MCC: variants seen among roughly 807,000 people sequenced by gnomAD.
MCC encodes colorectal mutant cancer protein.
A neutral mutation model predicts 116.2 loss-of-function variants in MCC; 90 were observed. The ratio of observed to expected loss-of-function variants is 0.77; its 90% confidence interval spans 0.65 to 0.92. The LOEUF is 0.92. Among genes scored for constraint, MCC ranks in the 40% least tolerant of loss-of-function variants. The pLI is 0.00. For missense variants in MCC, 1,516 were observed against 1,312.2 expected (o/e 1.16, Z -2.40); for synonymous variants, 578 against 510.5 (o/e 1.13, Z -1.78).
chr5:113,484,600 T>C (rs1772463507), intron 1 of MCC, among the ~76,000 whole-genome samples: 1 of 152,192 alleles, frequency 6.6e-6, no homozygotes, highest in Non-Finnish European at 1.5e-5. Context: ...ATCAGTACTA[T>C]GATGGACAAT....
chr5:113,065,378 A>G (rs1753531235), intron 13 of MCC, among the ~76,000 whole-genome samples: 1 of 152,238 alleles, frequency 6.6e-6, no homozygotes, highest in Non-Finnish European at 1.5e-5. Context: ...CCTTAAAAAA[A>G]TAAAACAAAA....
At chr5:113,227,832 A>T (rs1387628057) in intron 3 of MCC, among the ~76,000 whole-genome samples, 1 of 152,214 alleles carries the variant, frequency 6.6e-6, no homozygotes. Flanking sequence ...ATTTTCCATT[A>T]TTCCGCATTT....
intron 3 of MCC, among the ~76,000 whole-genome samples, chr5:113,201,792 C>G (rs1561453535): frequency 6.6e-6 from 1 of 152,112 alleles, no homozygotes; most frequent in Non-Finnish European, 1.5e-5. Flanking sequence ...GGGGAAAAGT[C>G]TTATTCTGCT....
chr5:113,264,297 C>T (rs1581337713), intron 3 of MCC, among the ~76,000 whole-genome samples: 1 of 152,164 alleles, frequency 6.6e-6, no homozygotes, highest in African/African-American at 2.4e-5. Flanking sequence ...CGGCATCTGC[C>T]TCCCTCCCCA....
At chr5:113,035,245 C>T (rs992112641) in intron 17 of MCC, among the ~76,000 whole-genome samples, 1 of 152,172 alleles carries the variant, frequency 6.6e-6, no homozygotes, top group Non-Finnish European at 1.5e-5. Flanking sequence ...TTGGAGTAAG[C>T]CTTAACTCCT....
chr5:113,130,746 C>T (rs759330020), intron 5 of MCC, among the ~76,000 whole-genome samples: 19 of 152,154 alleles, frequency 1.2e-4, no homozygotes, highest in Non-Finnish European at 2.5e-4. Context: ...TCTGCACAGC[C>T]GGCTCCCCTT....
chr5:113,260,990 G>A (rs1171357948), intron 3 of MCC, among the ~76,000 whole-genome samples: 1 of 152,118 alleles, frequency 6.6e-6, no homozygotes. Flanking sequence ...AAAAAGGATT[G>A]TTAGGATATA....
chr5:113,075,759 T>C (rs948672138), intron 11 of MCC, among the ~76,000 whole-genome samples: 1 of 152,190 alleles, frequency 6.6e-6, no homozygotes, highest in Non-Finnish European at 1.5e-5. Context: ...TGCCCTTCCA[T>C]GCTGTGGAAG....
chr5:113,325,241 A>T (rs1289372987), intron 3 of MCC, among the ~76,000 whole-genome samples: 1 of 152,150 alleles, frequency 6.6e-6, no homozygotes, highest in Non-Finnish European at 1.5e-5. Context: ...TTTCCTTCTT[A>T]CCACAAACTC....
chr5:113,410,426 A>T (rs1483326500), intron 1 of MCC, among the ~76,000 whole-genome samples: 2 of 152,202 alleles, frequency 1.3e-5, no homozygotes, highest in Non-Finnish European at 2.9e-5. Context: ...ACATTGTTGA[A>T]CACTTGTCTG....
intron 2 of MCC, among the ~76,000 whole-genome samples, chr5:113,363,270 C>T (rs79692819): frequency 0.019 from 2,913 of 152,038 alleles, 39 homozygotes; most frequent in Non-Finnish European, 0.022. Flanking sequence ...AGCGAGACTC[C>T]GTCTCAAAAA....
chr5:113,167,508 A>C (rs1274356899), intron 3 of MCC, among the ~76,000 whole-genome samples: 1 of 152,226 alleles, frequency 6.6e-6, no homozygotes, highest in Non-Finnish European at 1.5e-5. Flanking sequence ...AGAGTGAAAA[A>C]GGGAAAGAGA....
intron 6 of MCC, among the ~76,000 whole-genome samples, chr5:113,116,757 G>A (rs1379783937): frequency 6.6e-6 from 1 of 152,286 alleles, no homozygotes; most frequent in African/African-American, 2.4e-5. Context: ...TGACTTCAGG[G>A]GGTTCTCCTC....
chr5:113,437,864 T>A (rs935831020), intron 1 of MCC, among the ~76,000 whole-genome samples: 7 of 152,190 alleles, frequency 4.6e-5, no homozygotes, highest in African/African-American at 1.7e-4. Context: ...ATATATGCTG[T>A]ACAGGGAATT....
At position 113,025,478 on chromosome 5, in the gene MCC, C is replaced by G. The variant is rs1016402487; in HGVS notation, c.*1824G>C. 1.3e-5 allele frequency: 2 copies of G among 151,062 alleles called. No homozygotes were observed. Among genetic ancestry groups the G allele is most frequent in the Non-Finnish European group, 2.9e-5 (2 of 67,924 alleles). The allele number at this position is 151,062 out of a possible 1,614,324, so 9.4% of individuals were successfully genotyped here. A position where few individuals can be genotyped will look rare whatever the true frequency, so the allele number is the denominator to read the frequency against. Reference sequence around the variant, plus strand: ...TGTCTCTACTAAAAATACAAAAAAACTAGCTGGGTATGGTGGCGGGCACCT... The same window carrying G: ...TGTCTCTACTAAAAATACAAAAAAAGTAGCTGGGTATGGTGGCGGGCACCT... On this transcript the variant is annotated 3_prime_UTR_variant, in exon 19 of 19. Coordinates refer to ENST00000408903, the MANE Select transcript of MCC (RefSeq NM_001085377.2).
At chr5:113,225,159 G>T (rs745432924) in intron 3 of MCC, among the ~76,000 whole-genome samples, 1 of 152,152 alleles carries the variant, frequency 6.6e-6, no homozygotes, top group African/African-American at 2.4e-5. Flanking sequence ...TTCTTACATA[G>T]AGTCAAAGAT....
At chr5:113,087,647 G>C (rs1755295867) in intron 8 of MCC, among the ~76,000 whole-genome samples, 1 of 152,150 alleles carries the variant, frequency 6.6e-6, no homozygotes, top group Admixed American at 6.5e-5. Flanking sequence ...TTTTACTGCT[G>C]ATGAGTCTGA....
intron 3 of MCC, among the ~76,000 whole-genome samples, chr5:113,201,095 T>C (rs1762655384): frequency 6.6e-6 from 1 of 151,954 alleles, no homozygotes; most frequent in Non-Finnish European, 1.5e-5. Flanking sequence ...AATAAGAAAC[T>C]ACTGGCCTGG....
At chr5:113,313,938 G>A (rs1243528426) in intron 3 of MCC, among the ~76,000 whole-genome samples, 3 of 151,906 alleles carry the variant, frequency 2.0e-5, no homozygotes, top group African/African-American at 4.8e-5. Flanking sequence ...CTCCCGCTTC[G>A]GCCTCCCAAG....
Sources: allele counts gnomAD v4.1 joint callset (sites outside exome capture counted in the v4.1 genomes callset), GRCh38; gene constraint gnomAD v4.1.1; transcripts MANE v1.5; gene names NCBI Gene and HGNC (gene_info 2026-07-23, HGNC 2026-07-21).